The following GORAB variants were observed in gnomAD, a reference collection of about 807,000 sequenced individuals.
GORAB encodes the protein golgin, RAB6 interacting, also known as RAB6-interacting golgin.
A neutral mutation model predicts 29.9 loss-of-function variants in GORAB; 17 were observed. The ratio of observed to expected loss-of-function variants is 0.57; its 90% CI spans 0.39 to 0.85. The LOEUF (loss-of-function observed/expected upper bound fraction) is 0.85. Ranked by LOEUF, GORAB falls within the 40% of genes least tolerant of loss-of-function variation. The pLI, the probability that GORAB is intolerant of heterozygous loss-of-function variation, is 0.00. For missense variants in GORAB, 442 were observed against 437.8 expected (o/e 1.01, Z -0.09); for synonymous variants, 183 against 157.2 (o/e 1.16, Z -1.23).
At chr1:170,542,419 G>A (rs1649488012) in intron 2 of GORAB, 72 bp from the exon 3 acceptor site, 6 of 856,310 alleles carry the variant, frequency 7.0e-6, no homozygotes, top group Non-Finnish European at 1.2e-5. Context: ...ACTGAGACTG[G>A]TAAGGTGTTG....
chr1:170,534,384 AG>A (rs1648915642), intron 1 of GORAB, among the ~76,000 whole-genome samples: 1 of 152,272 alleles, frequency 6.6e-6, no homozygotes, highest in South Asian at 2.1e-4. Flanking sequence ...GAGTATATGG[AG>A]GGCCAACTTT....
At chr1:170,535,538 G>A (rs541563060) in intron 1 of GORAB, among the ~76,000 whole-genome samples, 1 of 152,138 alleles carries the variant, frequency 6.6e-6, no homozygotes, top group South Asian at 2.1e-4. Flanking sequence ...TCTTTTTGAT[G>A]AACAAAGTAT....
rs935391386 is a variant in GORAB at position 170,552,238 on chromosome 1, C to G, written c.886C>G (p.Gln296Glu). 1 of 1,614,078 alleles carries G rather than the reference C, an allele frequency of 6.2e-7. No individual in the cohort carries two copies. The highest frequency in any genetic ancestry group is 1.3e-5 in the African/African-American group (1 of 75,032). ...GGAGGTCGAGAGATTGCTACACGAA[C>G]AAGAAGTAGAATCAAGGAGACCAGT... ...EVEVERLLHE[Q>E]EVESRRPVVR... The change falls in exon 5 of 5, where the codon CAA becomes GAA. Residue 296 changes from glutamine (Q) to glutamate (E), a missense_variant. By Grantham distance (29) the Gln-to-Glu change is conservative (BLOSUM62 2). Coordinates refer to ENST00000367763, the MANE Select transcript of GORAB (RefSeq NM_152281.3).
intron 1 of GORAB, 159 bp downstream of exon 1, chr1:170,532,443 C>G: frequency 1.3e-6 from 1 of 778,710 alleles, no homozygotes; most frequent in South Asian, 1.5e-5. Context: ...CAGAGGAGGA[C>G]TTACTGGGAG....
At chr1:170,544,403 G>A (rs528084129) in intron 3 of GORAB, among the ~76,000 whole-genome samples, 1 of 152,216 alleles carries the variant, frequency 6.6e-6, no homozygotes, top group East Asian at 1.9e-4. Flanking sequence ...TCAATGTAAA[G>A]GGAACACAGA....
intron 2 of GORAB, among the ~76,000 whole-genome samples, chr1:170,541,203 CAAAAAAA>C (rs67384213): frequency 8.6e-5 from 4 of 46,332 alleles, no homozygotes; most frequent in African/African-American, 1.8e-4. Context: ...GATTCTGTCC[CAAAAAAA>C]AAAAAAAAAA....
intron 1 of GORAB, among the ~76,000 whole-genome samples, chr1:170,537,932 A>G (rs966962381): frequency 1.3e-5 from 2 of 152,212 alleles, no homozygotes; most frequent in African/African-American, 4.8e-5. Context: ...ACAGGGAGAT[A>G]AGCAGGCTAA....
chr1:170,537,555 T>A (rs1354307148), intron 1 of GORAB, among the ~76,000 whole-genome samples: 1 of 152,164 alleles, frequency 6.6e-6, no homozygotes, highest in East Asian at 1.9e-4. Flanking sequence ...TTGAAACAGT[T>A]CCCTACATTT....
At chr1:170,547,206 G>T (rs1649814438) in intron 4 of GORAB, among the ~76,000 whole-genome samples, 1 of 152,154 alleles carries the variant, frequency 6.6e-6, no homozygotes, top group Non-Finnish European at 1.5e-5. Flanking sequence ...TTTTATGGGA[G>T]ATTTCCTTGT....
At chr1:170,535,350 T>C (rs1190132293) in intron 1 of GORAB, among the ~76,000 whole-genome samples, 2 of 152,190 alleles carry the variant, frequency 1.3e-5, no homozygotes, top group Admixed American at 6.5e-5. Context: ...GTGTAACACA[T>C]GCATATATTT....
chr1:170,550,563 C>T (rs1049894885), intron 4 of GORAB, among the ~76,000 whole-genome samples: 2 of 152,192 alleles, frequency 1.3e-5, no homozygotes, highest in African/African-American at 2.4e-5. Flanking sequence ...AAGCCTTGAC[C>T]GAAATGGGTA....
intron 1 of GORAB, among the ~76,000 whole-genome samples, chr1:170,537,957 T>A (rs1649161874): frequency 6.6e-6 from 1 of 152,222 alleles, no homozygotes; most frequent in African/African-American, 2.4e-5. Context: ...CATTTTTTGA[T>A]GGTGTGAATA....
chr1:170,541,427 C>A (rs940521024), intron 2 of GORAB, among the ~76,000 whole-genome samples: 2 of 151,952 alleles, frequency 1.3e-5, no homozygotes, highest in Non-Finnish European at 2.9e-5. Flanking sequence ...TATTGTAGAT[C>A]ATATGCAAGA....
In GORAB at chr1:170,553,815, G is replaced by T. The variant is rs1368527081; in HGVS notation, c.*1353G>T. 3 of 452,430 alleles carry T rather than the reference G, an allele frequency of 6.6e-6. No individual in the cohort carries two copies. The highest frequency in any genetic ancestry group is 7.0e-5 in the East Asian group (1 of 14,372). The allele number at this position is 452,430 out of a possible 1,614,324, so 28.0% of individuals were successfully genotyped here. On this transcript the variant is annotated 3_prime_UTR_variant, in exon 5 of 5. Coordinates refer to ENST00000367763, the MANE Select transcript of GORAB (RefSeq NM_152281.3). ...TGTCTAACACACTTCTTTTTCTAAG[G>T]AATAAACAAGTCTGATGTACTTATA...
rs908454365 is a variant in GORAB at position 170,553,298 on chromosome 1, T to G, written c.*836T>G. ...GTTATCTATAAATATGTTTTTGATA[T>G]GTTGGACATGAATTACCCTGTCATG... On this transcript the variant is annotated 3_prime_UTR_variant, in exon 5 of 5. Transcript: ENST00000367763. 4 of 451,234 alleles carry G rather than the reference T, an allele frequency of 8.9e-6. No homozygotes were observed. Among genetic ancestry groups the G allele is most frequent in the Admixed American group, 7.1e-5 (3 of 42,182 alleles). 28.0% of individuals were successfully genotyped at this position (451,234 alleles called of 1,614,324 possible). A position where few individuals can be genotyped will look rare whatever the true frequency, so the allele number is the denominator to read the frequency against.
intron 1 of GORAB, 97 bp from the exon 2 acceptor site, chr1:170,539,113 A>C: frequency 6.9e-7 from 1 of 1,457,574 alleles, no homozygotes; most frequent in South Asian, 1.2e-5. Context: ...AACCACTAGA[A>C]TTATCAACGT....
At chr1:170,543,692 A>C (rs908891442) in intron 3 of GORAB, among the ~76,000 whole-genome samples, 1 of 151,008 alleles carries the variant, frequency 6.6e-6, no homozygotes, top group Non-Finnish European at 1.5e-5. Context: ...GTAGTCTTCA[A>C]TTTCTAAGAG....
chr1:170,538,480 A>G (rs1649190157), intron 1 of GORAB, among the ~76,000 whole-genome samples: 1 of 152,162 alleles, frequency 6.6e-6, no homozygotes. Flanking sequence ...GACAGTCCAA[A>G]AAGTATAATA....
chr1:170,539,608 T>A, intron 2 of GORAB, 41 bp downstream of exon 2: 1 of 1,595,134 alleles, frequency 6.3e-7, no homozygotes, highest in Non-Finnish European at 8.5e-7. Context: ...ACTTTTCATT[T>A]AACCCGTTTT....
Sources: allele counts gnomAD v4.1 joint callset (sites outside exome capture counted in the v4.1 genomes callset), GRCh38; gene constraint gnomAD v4.1.1; transcripts MANE v1.5; gene names NCBI Gene and HGNC (gene_info 2026-07-23, HGNC 2026-07-21).